Variants in ZBED6 observed in about 807,000 individuals in gnomAD.
The protein encoded by ZBED6 is zinc finger BED domain-containing protein 6.
Under a neutral mutation model 58.4 loss-of-function variants are expected in ZBED6, and 40 were observed. The observed-to-expected ratio is 0.68, with a 90% CI of 0.53 to 0.89. The LOEUF is 0.89. Among genes scored for constraint, ZBED6 ranks in the 40% least tolerant of loss-of-function variants. The pLI, the probability that ZBED6 is intolerant of heterozygous loss-of-function variation, is 0.00. For synonymous variants in ZBED6, 439 were observed against 350.6 expected, an observed-to-expected ratio of 1.25 and a Z score of -2.82; for missense variants, 1,057 against 1,003.9, an observed-to-expected ratio of 1.05 and a Z score of -0.71.
chr1:203,820,487 T>TGTGTGTGTGTGTGTG (rs1553263519), intron 3 of ZBED6, among the ~76,000 whole-genome samples: 5 of 152,032 alleles, frequency 3.3e-5, no homozygotes, highest in Non-Finnish European at 5.9e-5. Context: ...TGTGTGTATA[T>TGTGTGTGTGTGTGTG]TTTGAGTTGA....
chr1:203,821,035 C>T (rs1318480506), intron 3 of ZBED6, among the ~76,000 whole-genome samples: 6 of 152,088 alleles, frequency 3.9e-5, no homozygotes, highest in Non-Finnish European at 1.5e-5. Flanking sequence ...GCTCTGTATC[C>T]TCACCTGAAT....
chr1:203,816,661 T>G (rs563603875), intron 1 of ZBED6, among the ~76,000 whole-genome samples: 1 of 151,736 alleles, frequency 6.6e-6, no homozygotes, highest in South Asian at 2.1e-4. Context: ...ATGTAGATCT[T>G]TAGTTAACAA....
chr1:203,838,775 A>AC (rs1375219698), intron 10 of ZBED6, among the ~76,000 whole-genome samples: 1 of 151,938 alleles, frequency 6.6e-6, no homozygotes, highest in African/African-American at 2.4e-5. Flanking sequence ...ACATGGCAAA[A>AC]CCCCATCTTT....
intron 3 of ZBED6, among the ~76,000 whole-genome samples, chr1:203,819,140 ATG>A (rs1454263230): frequency 6.8e-6 from 1 of 146,414 alleles, no homozygotes; most frequent in African/African-American, 2.7e-5. Flanking sequence ...ACATATGTAT[ATG>A]TGTGTATATA....
chr1:203,812,340 C>T (rs1674762003), intron 1 of ZBED6, among the ~76,000 whole-genome samples: 1 of 152,090 alleles, frequency 6.6e-6, no homozygotes, highest in South Asian at 2.1e-4. Flanking sequence ...GTGTTCTCAG[C>T]ATTTAGCTCC....
exon 1 of ZBED6, chr1:203,797,394 C>T: frequency 2.3e-6 from 2 of 862,004 alleles, no homozygotes; most frequent in Non-Finnish European, 3.3e-6. Context: ...AGTTATTGGT[C>T]CAGTGGGAAT....
At chr1:203,832,908 A>G (rs1460675281) in intron 8 of ZBED6, among the ~76,000 whole-genome samples, 1 of 152,138 alleles carries the variant, frequency 6.6e-6, no homozygotes, top group Non-Finnish European at 1.5e-5. Context: ...TAAGAATACA[A>G]TCTGTCTTAT....
At chr1:203,798,238 C>T (rs1252269324) in exon 1 of ZBED6, 1 of 1,536,070 alleles carries the variant, frequency 6.5e-7, no homozygotes, top group South Asian at 1.2e-5. Context: ...GCATCTGATG[C>T]CCTAAGGGCA....
intron 7 of ZBED6, among the ~76,000 whole-genome samples, chr1:203,831,012 C>T (rs111509603): frequency 0.14 from 17,801 of 127,386 alleles, 1,475 homozygotes; most frequent in East Asian, 0.34. Flanking sequence ...ATGGCGCAAT[C>T]TTTGCTCACC....
At chr1:203,824,310 T>G (rs930507189) in intron 3 of ZBED6, among the ~76,000 whole-genome samples, 5 of 151,986 alleles carry the variant, frequency 3.3e-5, no homozygotes, top group Non-Finnish European at 7.4e-5. Flanking sequence ...TAATTTATAT[T>G]TGTTTTTCAC....
At chr1:203,801,452 T>G (rs1670532821) in exon 1 of ZBED6, 1 of 152,318 alleles carries the variant, frequency 6.6e-6, no homozygotes, top group Admixed American at 6.5e-5. Context: ...CTTTCTACTC[T>G]GAAAGTATGT....
intron 1 of ZBED6, among the ~76,000 whole-genome samples, chr1:203,811,490 T>G (rs1674481127): frequency 6.6e-6 from 1 of 152,232 alleles, no homozygotes. Context: ...GATTGACCTC[T>G]AAGCCTTTTA....
chr1:203,850,342 G>C lies in ZBED6; in HGVS notation c.*4639-173G>C, dbSNP rs183075283. ...TATTGTATCTACATGGTGACCACCTGTAGTGACCACCATGTGACCACAAAT... is the reference window on the plus strand; with the variant it reads ...TATTGTATCTACATGGTGACCACCTCTAGTGACCACCATGTGACCACAAAT... On this transcript the variant is annotated intron_variant, in intron 14 of 16. Coordinates refer to ENST00000550078, the Ensembl canonical transcript of ZBED6. 4.5e-4 allele frequency: 406 copies of C among 909,998 alleles called. 2 individuals are homozygous for C. The African/African-American group carries it at 5.9e-3, about 13-fold the overall frequency. The allele number at this position is 909,998 out of a possible 1,614,324, so 56.4% of individuals were successfully genotyped here. A position where few individuals can be genotyped will look rare whatever the true frequency, so the allele number is the denominator to read the frequency against.
At chr1:203,821,254 CATAATT>C (rs1388126690) in intron 3 of ZBED6, among the ~76,000 whole-genome samples, 1 of 152,134 alleles carries the variant, frequency 6.6e-6, no homozygotes, top group Non-Finnish European at 1.5e-5. Flanking sequence ...CACCTCCTGC[CATAATT>C]ATAAGTTTCC....
intron 10 of ZBED6, among the ~76,000 whole-genome samples, chr1:203,839,471 CATT>C (rs1160649837): frequency 6.6e-6 from 1 of 151,988 alleles, no homozygotes; most frequent in Admixed American, 6.6e-5. Context: ...TTTTCCTTCT[CATT>C]GTGTTTGGTT....
At chr1:203,815,907 G>A (rs1676224997) in intron 1 of ZBED6, among the ~76,000 whole-genome samples, 1 of 152,182 alleles carries the variant, frequency 6.6e-6, no homozygotes, top group Admixed American at 6.6e-5. Context: ...ACGTTTTAGT[G>A]TGGAGATCAG....
intron 3 of ZBED6, among the ~76,000 whole-genome samples, chr1:203,821,009 TGTG>T (rs1160057393): frequency 6.6e-6 from 1 of 152,202 alleles, no homozygotes; most frequent in African/African-American, 2.4e-5. Context: ...AATGCAAACT[TGTG>T]GTGATACGTT....
chr1:203,836,173 AG>A lies in ZBED6; in HGVS notation c.*3574-1791del, dbSNP rs1465058525. Reference sequence around the variant, plus strand: ...TGAGGTTAGAGGATCCCTTGAGTCCAGGAGTTTGAGTCCAGTCTGGGCAACA... The same window carrying A: ...TGAGGTTAGAGGATCCCTTGAGTCCAGAGTTTGAGTCCAGTCTGGGCAACA... On this transcript the variant is annotated intron_variant, in intron 9 of 16. Transcript: ENST00000550078. Among the ~76,000 whole-genome samples, 7 of 152,296 alleles carry A rather than the reference AG, an allele frequency of 4.6e-5. No homozygotes were observed. In the South Asian group the frequency reaches 1.2e-3, roughly 27 times the overall value.
chr1:203,830,798 A>C (rs1028001590), intron 7 of ZBED6, among the ~76,000 whole-genome samples: 4 of 151,206 alleles, frequency 2.6e-5, no homozygotes, highest in African/African-American at 9.7e-5. Flanking sequence ...ACAGATCAAG[A>C]CTCTGTCTCA....
Sources: gnomAD v4.1 joint callset for allele counts (sites outside exome capture counted in the v4.1 genomes callset) on GRCh38, gnomAD v4.1.1 for gene constraint, MANE v1.5 for transcripts, NCBI Gene and HGNC (gene_info 2026-07-23, HGNC 2026-07-21) for gene names.